The following REPS2 variants were observed in gnomAD, a reference collection of about 807,000 sequenced individuals.
The protein encoded by REPS2 is ralBP1-associated Eps domain-containing protein 2.
REPS2 carries 23 observed loss-of-function variants against 53.6 expected under a neutral mutation model. The observed-to-expected ratio is 0.43, with a 90% CI of 0.31 to 0.61. REPS2 has a LOEUF of 0.61. REPS2 is among the 20% of genes least tolerant of loss of function. The pLI is 0.11. For synonymous variants in REPS2, 238 were observed against 218.6 expected, an observed-to-expected ratio of 1.09 and a Z score of -0.78; for missense variants, 446 against 534.9, an observed-to-expected ratio of 0.83 and a Z score of 1.64.
chrX:17,172,921 A>G, the REPS2 span, among the ~76,000 whole-genome samples: 2,580 of 110,733 alleles, frequency 0.023, 34 homozygotes, highest in Admixed American at 0.042. Flanking sequence ...AAAGAAGGAA[A>G]TCAAAGTCAT....
At chrX:16,954,892 C>G (rs2060574139) in intron 1 of REPS2, among the ~76,000 whole-genome samples, 1 of 101,662 alleles carries the variant, frequency 9.8e-6, no homozygotes, top group African/African-American at 3.6e-5. Context: ...CTCACTGCAA[C>G]CTCCGCCTCC....
chrX:17,160,794 G>A, the REPS2 span, among the ~76,000 whole-genome samples: 2 of 112,275 alleles, frequency 1.8e-5, no homozygotes, highest in African/African-American at 6.5e-5. Context: ...AATGGAGTTT[G>A]GCTGGACTTA....
intron 10 of REPS2, 100 bp from the exon 11 acceptor site, chrX:17,069,840 C>T (rs976077468): frequency 4.6e-5 from 21 of 452,961 alleles, no homozygotes; most frequent in Non-Finnish European, 4.5e-5. Context: ...ACTAGCGATT[C>T]TTTGTTTGAA....
At chrX:17,124,856 C>CTTT (rs1175675334) in intron 14 of REPS2, among the ~76,000 whole-genome samples, 2 of 91,039 alleles carry the variant, frequency 2.2e-5, no homozygotes, top group Admixed American at 1.2e-4. Context: ...AGATGGACTT[C>CTTT]TTTTTTTTTT....
intron 6 of REPS2, among the ~76,000 whole-genome samples, chrX:17,048,191 A>ATTG (rs2061933225): frequency 8.9e-6 from 1 of 112,652 alleles, no homozygotes; most frequent in Non-Finnish European, 1.9e-5. Flanking sequence ...GTCCTTAATA[A>ATTG]TTGTAACCTG....
chrX:17,147,472 T>C lies in REPS2; in HGVS notation c.1974T>C (p.Thr658=). The stretch of plus-strand genomic sequence containing the variant: ...AATTGGAACAACTTCGTCCGGTCAC[T>C]GTGTTGTGACCCCCCCATGGTTCAA... The part of the protein sequence containing the change: ...ENQLEQLRPV[T]VL Residue 658 remains threonine, a synonymous_variant, in exon 18 of 18, where the codon ACT becomes ACC. Transcript: ENST00000357277. The C allele has an allele frequency of 8.3e-7, 1 of 1,200,821 alleles. No individual in the cohort carries two copies. The highest frequency in any genetic ancestry group is 1.1e-6 in the Non-Finnish European group (1 of 886,895).
At chrX:16,978,666 A>G in intron 1 of REPS2, 2 of 491,761 alleles carry the variant, frequency 4.1e-6, no homozygotes, top group Non-Finnish European at 5.0e-6. Context: ...ACAGAATCCC[A>G]GCCTCCATTT....
rs1265154331 is a variant in REPS2 at position 17,084,355 on chromosome X, T to TATAGC, written c.1516+6949_1516+6950insTAGCA. 3.6e-5 allele frequency among the ~76,000 whole-genome samples: 4 copies of TATAGC among 112,452 alleles called. No individual in the cohort carries two copies. In the East Asian group the frequency reaches 8.3e-4, roughly 23 times the overall value. On this transcript the variant is annotated intron_variant, in intron 13 of 17. Coordinates refer to ENST00000357277, the MANE Select transcript of REPS2 (RefSeq NM_004726.3). The stretch of plus-strand genomic sequence containing the variant: ...TTGACTATTGTGAATAACTCTGCTA[T>TATAGC]AGACATTCATGTCCAAGTTTTTGTG...
chrX:16,968,465 G>A (rs1407018338), intron 1 of REPS2, among the ~76,000 whole-genome samples: 272 of 107,662 alleles, frequency 2.5e-3, no homozygotes, highest in African/African-American at 8.8e-3. Context: ...CTGGCCGGGC[G>A]GGGGGCTGAC....
At chrX:17,146,327 G>T (rs2063514599) in intron 17 of REPS2, among the ~76,000 whole-genome samples, 1 of 110,123 alleles carries the variant, frequency 9.1e-6, no homozygotes, top group Non-Finnish European at 1.9e-5. Flanking sequence ...GGCCTTTGCA[G>T]TTGCCCTTTT....
intron 14 of REPS2, among the ~76,000 whole-genome samples, chrX:17,118,919 TAATA>T (rs2063101636): frequency 8.9e-6 from 1 of 112,584 alleles, no homozygotes; most frequent in Non-Finnish European, 1.9e-5. Context: ...AACTTTTGCA[TAATA>T]AATAATTATT....
Position 16,989,137 on chromosome X carries a change from G to A in REPS2, c.274-17084G>A, listed in dbSNP as rs184413098. The stretch of plus-strand genomic sequence containing the variant: ...GAACAGAACAAAGAACCTAGAAATA[G>A]ACCAACAGAAATGTGCCCAATTGAT... On this transcript the variant is annotated intron_variant, in intron 1 of 17. Transcript: ENST00000357277. Among the ~76,000 whole-genome samples, 8 of 110,371 alleles carry A rather than the reference G, an allele frequency of 7.2e-5. No individual in the cohort carries two copies. In the East Asian group the frequency reaches 2.3e-3, roughly 31 times the overall value.
chrX:17,192,995 T>C, the REPS2 span, among the ~76,000 whole-genome samples: 1 of 112,758 alleles, frequency 8.9e-6, no homozygotes, highest in Admixed American at 9.3e-5. Context: ...ATTGCATGAA[T>C]ATTCAATAAT....
chrX:17,092,322 T>A (rs1298556942), intron 13 of REPS2, among the ~76,000 whole-genome samples: 1 of 111,994 alleles, frequency 8.9e-6, no homozygotes, highest in Non-Finnish European at 1.9e-5. Flanking sequence ...TTGTTAGAGG[T>A]TGGAGTTTTG....
intron 2 of REPS2, among the ~76,000 whole-genome samples, chrX:17,021,286 C>T (rs991744193): frequency 8.9e-6 from 1 of 112,326 alleles, no homozygotes; most frequent in African/African-American, 3.2e-5. Context: ...GTATCATTTC[C>T]GCTTTCAGAA....
chrX:17,088,889 C>T (rs187661410), intron 13 of REPS2, among the ~76,000 whole-genome samples: 1 of 111,587 alleles, frequency 9.0e-6, no homozygotes, highest in East Asian at 2.8e-4. Flanking sequence ...TGCCCAGAAT[C>T]TTTCGAAGTT....
chrX:16,956,284 GTTTTTTTTTTTTTTTTT>G (rs869259012), intron 1 of REPS2, among the ~76,000 whole-genome samples: 1 of 24,746 alleles, frequency 4.0e-5, no homozygotes, highest in African/African-American at 2.0e-4. Context: ...AACCACAGCA[GTTTTTTTTTTTTTTTTT>G]TTTTTTTTTT....
intron 3 of REPS2, among the ~76,000 whole-genome samples, chrX:17,023,074 T>C (rs2061595203): frequency 8.9e-6 from 1 of 112,456 alleles, no homozygotes; most frequent in Non-Finnish European, 1.9e-5. Flanking sequence ...TACTGAATCA[T>C]GCAGAGAAGT....
At chrX:17,008,420 C>T (rs1288516182) in intron 2 of REPS2, among the ~76,000 whole-genome samples, 2 of 111,916 alleles carry the variant, frequency 1.8e-5, no homozygotes, top group African/African-American at 6.5e-5. Context: ...GGGCAGGGAG[C>T]AGGATTGTTG....
Sources: allele counts gnomAD v4.1 joint callset (sites outside exome capture counted in the v4.1 genomes callset), GRCh38; gene constraint gnomAD v4.1.1; transcripts MANE v1.5; gene names NCBI Gene and HGNC (gene_info 2026-07-23, HGNC 2026-07-21).